The following GATA4 variants were observed in gnomAD, a reference collection of about 807,000 sequenced individuals.
GATA4 encodes GATA binding protein 4, also known as transcription factor GATA-4.
A neutral mutation model predicts 37.9 loss-of-function variants in GATA4; 7 were observed. That is an observed-to-expected ratio of 0.18 (90% CI 0.11 to 0.35). GATA4 has a LOEUF of 0.35. Among genes scored for constraint, GATA4 ranks in the 10% least tolerant of loss-of-function variants. The probability of loss-of-function intolerance (pLI) is 1.00; values close to 1 mark genes in which losing one functional copy is unlikely to be tolerated. For missense variants in GATA4, 647 were observed against 653.0 expected, an observed-to-expected ratio of 0.99 and a Z score of 0.10; for synonymous variants, 372 against 292.6, an observed-to-expected ratio of 1.27 and a Z score of -2.77.
intron 1 of GATA4, among the ~76,000 whole-genome samples, chr8:11,685,381 T>C (rs915245073): frequency 6.6e-6 from 1 of 152,250 alleles, no homozygotes; most frequent in Admixed American, 6.5e-5. Flanking sequence ...AAATGGACTA[T>C]GACAAACTCG....
At chr8:11,692,650 C>G (rs1799353474) in exon 1 of GATA4, 1 of 985,190 alleles carries the variant, frequency 1.0e-6, no homozygotes, top group Non-Finnish European at 1.2e-6. Flanking sequence ...CTCAGCCGAC[C>G]TCCACCGCGG....
chr8:11,741,994 C>G (rs1801761699), intron 2 of GATA4, among the ~76,000 whole-genome samples: 1 of 152,218 alleles, frequency 6.6e-6, no homozygotes, highest in African/African-American at 2.4e-5. Context: ...TTCGATCCCA[C>G]TTTGCTGTTG....
chr8:11,749,117 AC>A lies in GATA4; in HGVS notation c.786+34del. 1 of 1,611,406 alleles carries A rather than the reference AC, an allele frequency of 6.2e-7. No homozygotes were observed. On this transcript the variant is annotated intron_variant, in intron 3 of 6. Coordinates refer to ENST00000532059, the MANE Select transcript of GATA4 (RefSeq NM_001308093.3). This position sits in a 1 kb window ranked among gnomAD's most constrained non-coding sequence, Gnocchi z 4.6. ...ACGTGCCTCGCAGCCTCCTCTGGGC[AC>A]CTGGCTGCGGAGCTCTCGCCTTGGT...
intron 1 of GATA4, among the ~76,000 whole-genome samples, chr8:11,705,302 G>A (rs771253516): frequency 2.0e-5 from 3 of 152,148 alleles, no homozygotes; most frequent in Non-Finnish European, 4.4e-5. Context: ...GTGATGCTCC[G>A]CACACGTCTG....
In GATA4 at chr8:11,728,577, C is replaced by T. The variant is rs879664256; in HGVS notation, c.616+19649C>T. Among the ~76,000 whole-genome samples the T allele has an allele frequency of 8.0e-5, 12 of 150,120 alleles. 1 individual carries two copies. Among genetic ancestry groups the T allele is most frequent in the Admixed American group, 7.3e-4 (11 of 15,092 alleles). ...ATTTTACTTTCTGTAGGGGCAGGGT[C>T]TTGCTCTGTTGCCCAGGCTGGAGTA... On this transcript the variant is annotated intron_variant, in intron 2 of 6. Transcript: ENST00000532059.
intron 2 of GATA4, among the ~76,000 whole-genome samples, chr8:11,720,942 A>G (rs115221123): frequency 0.019 from 2,869 of 151,762 alleles, 82 homozygotes; most frequent in South Asian, 0.094. Flanking sequence ...CTCCCTTCAC[A>G]CCCCAGCTCC....
chr8:11,713,052 C>CT (rs35874748), intron 2 of GATA4, among the ~76,000 whole-genome samples: 34 of 150,284 alleles, frequency 2.3e-4, no homozygotes, highest in African/African-American at 3.2e-4. Flanking sequence ...CAAGAGAACA[C>CT]TTTTTTTTTT....
rs573164149 is a variant in GATA4, at chr8:11,734,790, T to G, written c.617-14126T>G. Among the ~76,000 whole-genome samples the G allele has an allele frequency of 2.6e-5, 4 of 152,308 alleles. No homozygotes were observed. In the South Asian group the frequency reaches 8.3e-4, roughly 32 times the overall value. On this transcript the variant is annotated intron_variant, in intron 2 of 6. Transcript: ENST00000532059. ...CAAGAGTGAGCCACCGTGCCCAGCC[T>G]CTGTCTCTTCTTATAAGGGTACTAA...
intron 2 of GATA4, among the ~76,000 whole-genome samples, chr8:11,745,353 C>T (rs1341713899): frequency 2.1e-5 from 3 of 142,432 alleles, no homozygotes; most frequent in African/African-American, 8.2e-5. Flanking sequence ...GTGGGAGGAT[C>T]GCTTGAGCTT....
At position 11,749,592 on chromosome 8, in the gene GATA4, C is replaced by T. The variant is rs1802196129; in HGVS notation, c.786+507C>T. Among the ~76,000 whole-genome samples, 1 of 152,214 alleles carries T rather than the reference C, an allele frequency of 6.6e-6. No homozygotes were observed. The highest frequency in any genetic ancestry group is 2.4e-5 in the African/African-American group (1 of 41,446). ...CTGGGGCTTGGCTCCTGGCTTCCTG[C>T]TCCTTTTTAATATAATTTGATTCTG... On this transcript the variant is annotated intron_variant, in intron 3 of 6. Coordinates refer to ENST00000532059, the MANE Select transcript of GATA4 (RefSeq NM_001308093.3). The surrounding 1 kb of genome is among the most constrained non-coding windows in gnomAD (Gnocchi z 4.6).
chr8:11,695,102 A>T lies in GATA4; in HGVS notation c.-729+2442A>T, dbSNP rs1316743207. ...CTGCAACTGAGCGTAATGGAAATTG[A>T]CTTAAGAATGACAGCCAGAGGCTGG... On this transcript the variant is annotated intron_variant, in intron 1 of 2. Transcript: ENST00000526974. Among the ~76,000 whole-genome samples, 5 of 152,202 alleles carry T rather than the reference A, an allele frequency of 3.3e-5. No homozygotes were observed. The East Asian group carries it at 9.6e-4, about 29-fold the overall frequency.
rs760507187 is a variant in GATA4 at position 11,749,137 on chromosome 8, C to A, written c.786+52C>A. ...TGGGCACCTGGCTGCGGAGCTCTCG[C>A]CTTGGTGGGACATCCTCTGGTTTTG... On this transcript the variant is annotated intron_variant, in intron 3 of 6. Transcript: ENST00000532059. This position sits in a 1 kb window ranked among gnomAD's most constrained non-coding sequence, Gnocchi z 4.6. 2.5e-6 allele frequency: 4 copies of A among 1,585,842 alleles called. No homozygotes were observed. Among genetic ancestry groups the A allele is most frequent in the East Asian group, 4.5e-5 (2 of 44,328 alleles).
chr8:11,722,257 A>G (rs547589835), intron 2 of GATA4, among the ~76,000 whole-genome samples: 67 of 152,354 alleles, frequency 4.4e-4, no homozygotes, highest in Non-Finnish European at 7.1e-4. Context: ...TTTAATCTAT[A>G]CATTACTCAC....
chr8:11,706,530 C>A (rs968091595), intron 1 of GATA4, among the ~76,000 whole-genome samples: 3 of 152,222 alleles, frequency 2.0e-5, no homozygotes, highest in African/African-American at 7.2e-5. Context: ...CCTTTAATAT[C>A]TGCATTTTGC....
intron 2 of GATA4, among the ~76,000 whole-genome samples, chr8:11,717,802 A>C (rs1324500482): frequency 6.6e-6 from 1 of 152,252 alleles, no homozygotes; most frequent in East Asian, 1.9e-4. Flanking sequence ...TCATTCCTCA[A>C]CTGTAAGCTC....
At chr8:11,739,073 G>T (rs1801597634) in intron 2 of GATA4, among the ~76,000 whole-genome samples, 1 of 152,222 alleles carries the variant, frequency 6.6e-6, no homozygotes, top group Admixed American at 6.5e-5. Context: ...TGGGACCGAG[G>T]TGGAAAAAGT....
At chr8:11,744,353 A>G (rs1801923990) in intron 2 of GATA4, among the ~76,000 whole-genome samples, 2 of 152,252 alleles carry the variant, frequency 1.3e-5, no homozygotes, top group Admixed American at 1.3e-4. Flanking sequence ...AGTACTTTAC[A>G]ACTATTATTA....
intron 2 of GATA4, among the ~76,000 whole-genome samples, chr8:11,716,807 C>G (rs1267057730): frequency 1.3e-5 from 2 of 152,230 alleles, no homozygotes; most frequent in Non-Finnish European, 2.9e-5. Context: ...CAAGGTGATT[C>G]TTTTAAACAA....
intron 2 of GATA4, among the ~76,000 whole-genome samples, chr8:11,743,579 T>C (rs1801869030): frequency 6.6e-6 from 1 of 152,244 alleles, no homozygotes; most frequent in Non-Finnish European, 1.5e-5. Context: ...ACCGTGACCC[T>C]GGCCTCTGAT....
Sources: gnomAD v4.1 joint callset for allele counts (sites outside exome capture counted in the v4.1 genomes callset) on GRCh38, gnomAD v4.1.1 for gene constraint, Gnocchi (gnomAD v3.1) non-coding constraint, MANE v1.5 for transcripts, NCBI Gene and HGNC (gene_info 2026-07-23, HGNC 2026-07-21) for gene names.